KIRREL3: variants seen among roughly 807,000 people sequenced by gnomAD.
KIRREL3 encodes the protein kin of IRRE-like protein 3.
Under a neutral mutation model 89.7 loss-of-function variants are expected in KIRREL3, and 36 were observed. That is an observed-to-expected ratio of 0.40 (90% CI 0.31 to 0.53). The LOEUF (loss-of-function observed/expected upper bound fraction) is 0.53. KIRREL3 is among the 20% of genes least tolerant of loss of function. KIRREL3 has a pLI of 0.49. For synonymous variants in KIRREL3, 445 were observed against 441.4 expected, an observed-to-expected ratio of 1.01 and a Z score of -0.10; for missense variants, 864 against 1,056.6, an observed-to-expected ratio of 0.82 and a Z score of 2.53.
At position 126,954,381 on chromosome 11, in the gene KIRREL3, G is replaced by T. The variant is rs1425947576; in HGVS notation, c.55+46074C>A. Among the ~76,000 whole-genome samples, 2 of 151,966 alleles carry T rather than the reference G, an allele frequency of 1.3e-5. No individual in the cohort carries two copies. The highest frequency in any genetic ancestry group is 2.9e-5 in the Non-Finnish European group (2 of 68,010). On this transcript the variant is annotated intron_variant, in intron 1 of 16. Transcript: ENST00000525144. This position sits in a 1 kb window ranked among gnomAD's most constrained non-coding sequence, Gnocchi z 4.1. The stretch of plus-strand genomic sequence containing the variant: ...ATTGATTATTTATCACTTCAATGAA[G>T]AATTTATTGATTTACTTAATATTCA...
In KIRREL3 at chr11:126,908,521, G is replaced by A. The variant is rs922483212; in HGVS notation, c.55+91934C>T. Among the ~76,000 whole-genome samples, 2 of 152,150 alleles carry A rather than the reference G, an allele frequency of 1.3e-5. No individual in the cohort carries two copies. Among genetic ancestry groups the A allele is most frequent in the East Asian group, 1.9e-4 (1 of 5,198 alleles). ...CACAGGGTTGTTGTAAAGGTTAATT[G>A]TAATTATTATATAAAATACCTAGAA... On this transcript the variant is annotated intron_variant, in intron 1 of 16. Transcript: ENST00000525144. The surrounding 1 kb of genome is among the most constrained non-coding windows in gnomAD (Gnocchi z 4.2).
rs890013327 is a variant in KIRREL3 at position 126,969,063 on chromosome 11, G to C, written c.55+31392C>G. 2.0e-5 allele frequency among the ~76,000 whole-genome samples: 3 copies of C among 152,178 alleles called. No homozygotes were observed. The highest frequency in any genetic ancestry group is 7.2e-5 in the African/African-American group (3 of 41,440). ...ATGTCAGAAGTAACACTTCAGGCGG[G>C]GGCGTCTGAGGTTCGCGTGTGAGGG... On this transcript the variant is annotated intron_variant, in intron 1 of 16. Transcript: ENST00000525144. The surrounding 1 kb of genome is among the most constrained non-coding windows in gnomAD (Gnocchi z 4.9).
chr11:126,533,853 G>T (rs1384154889), intron 2 of KIRREL3, among the ~76,000 whole-genome samples: 1 of 152,120 alleles, frequency 6.6e-6, no homozygotes, highest in Non-Finnish European at 1.5e-5. Flanking sequence ...CTTGACTCCG[G>T]GGCTGGCTCA....
intron 1 of KIRREL3, among the ~76,000 whole-genome samples, chr11:126,732,250 A>C (rs893032467): frequency 1.4e-4 from 21 of 152,376 alleles, no homozygotes; most frequent in African/African-American, 5.0e-4. Flanking sequence ...TATTAACAAT[A>C]CAGTGATTTC....
At chr11:126,581,251 G>A (rs1486513227) in intron 1 of KIRREL3, among the ~76,000 whole-genome samples, 1 of 152,110 alleles carries the variant, frequency 6.6e-6, no homozygotes, top group Non-Finnish European at 1.5e-5. Context: ...TGCCCAGGCT[G>A]GAGTGCAGTG....
At chr11:126,968,358 G>T (rs1421290533) in intron 1 of KIRREL3, among the ~76,000 whole-genome samples, 2 of 152,124 alleles carry the variant, frequency 1.3e-5, no homozygotes, top group Non-Finnish European at 2.9e-5. Flanking sequence ...AGAAAGAAAG[G>T]GGGAAGAAAA....
rs1958633968 is a variant in KIRREL3 at position 126,522,668 on chromosome 11, C to G, written c.284-1204G>C. On this transcript the variant is annotated intron_variant, in intron 3 of 16. Coordinates refer to ENST00000525144, the MANE Select transcript of KIRREL3 (RefSeq NM_032531.4). This position sits in a 1 kb window ranked among gnomAD's most constrained non-coding sequence, Gnocchi z 6.0. ...CCACCTTAGGCAGATCCTCTCTTTC[C>G]TGGGTCTCGGGCCCTACACCTCCCT... Among the ~76,000 whole-genome samples, 1 of 152,254 alleles carries G rather than the reference C, an allele frequency of 6.6e-6. No homozygotes were observed. Among genetic ancestry groups the G allele is most frequent in the Non-Finnish European group, 1.5e-5 (1 of 68,050 alleles).
intron 1 of KIRREL3, among the ~76,000 whole-genome samples, chr11:126,702,502 G>T (rs541254533): frequency 2.6e-5 from 4 of 152,334 alleles, no homozygotes; most frequent in African/African-American, 9.6e-5. Context: ...TCAGGGAGAG[G>T]TGGAGGAGGG....
intron 1 of KIRREL3, among the ~76,000 whole-genome samples, chr11:126,659,492 C>T (rs1008641920): frequency 6.6e-6 from 1 of 152,190 alleles, no homozygotes; most frequent in Non-Finnish European, 1.5e-5. Context: ...GTCCAAGTGT[C>T]TAGTTACTTT....
chr11:126,907,877 C>A (rs1008704861), intron 1 of KIRREL3, among the ~76,000 whole-genome samples: 2 of 152,146 alleles, frequency 1.3e-5, no homozygotes, highest in Admixed American at 6.5e-5. Context: ...TCCTGAGGGT[C>A]TTGGCATCTG....
intron 1 of KIRREL3, chr11:126,936,521 A>T (rs1314582006): frequency 6.6e-6 from 1 of 151,390 alleles, no homozygotes; most frequent in Non-Finnish European, 1.5e-5. Context: ...AATATACAAA[A>T]TGTGGTCTAT....
At chr11:126,790,585 G>A (rs1950607156) in intron 1 of KIRREL3, among the ~76,000 whole-genome samples, 1 of 152,192 alleles carries the variant, frequency 6.6e-6, no homozygotes, top group Middle Eastern at 3.2e-3. Context: ...ACCCAACCAT[G>A]TGATCCATTA....
At chr11:126,749,855 C>T (rs758279146) in intron 1 of KIRREL3, among the ~76,000 whole-genome samples, 1 of 152,264 alleles carries the variant, frequency 6.6e-6, no homozygotes, top group Non-Finnish European at 1.5e-5. Context: ...CTCAAGGCCA[C>T]GGAAGACCCT....
rs1954988523 is a variant in KIRREL3, at chr11:126,427,504, C to T, written c.1806+1675G>A. ...ATGGGAGAATGTGAGATTCAACAGA[C>T]AAAATTAGCAGGCAGAGAGAACAGC... On this transcript the variant is annotated intron_variant, in intron 15 of 16. Coordinates refer to ENST00000525144, the MANE Select transcript of KIRREL3 (RefSeq NM_032531.4). The surrounding 1 kb of genome is among the most constrained non-coding windows in gnomAD (Gnocchi z 5.3). Among the ~76,000 whole-genome samples, 1 of 152,124 alleles carries T rather than the reference C, an allele frequency of 6.6e-6. No individual in the cohort carries two copies. Among genetic ancestry groups the T allele is most frequent in the Admixed American group, 6.5e-5 (1 of 15,272 alleles).
At chr11:126,461,405 C>T (rs1109421) in intron 6 of KIRREL3, among the ~76,000 whole-genome samples, 23,721 of 152,122 alleles carry the variant, frequency 0.16, 2,466 homozygotes, top group East Asian at 0.39. Context: ...CTGTGTGCCC[C>T]GGGACCTCCT....
chr11:126,847,944 T>C (rs2226934), intron 1 of KIRREL3, among the ~76,000 whole-genome samples: 129,162 of 152,216 alleles, frequency 0.85, 55,008 homozygotes, highest in East Asian at 1. Flanking sequence ...TATTTTACCA[T>C]GTCTCTGACT....
rs542010774 is a variant in KIRREL3 at position 126,660,318 on chromosome 11, C to T, written c.56-97406G>A. Among the ~76,000 whole-genome samples, 3 of 152,264 alleles carry T rather than the reference C, an allele frequency of 2.0e-5. No homozygotes were observed. The South Asian group carries it at 6.2e-4, about 32-fold the overall frequency. On this transcript the variant is annotated intron_variant, in intron 1 of 16. Transcript: ENST00000525144. Reference sequence around the variant, plus strand: ...CTTTCACTTCCAAATGATGATACCTCAGAGAATGCAAACTGTAATGCACAT... The same window carrying T: ...CTTTCACTTCCAAATGATGATACCTTAGAGAATGCAAACTGTAATGCACAT...
intron 7 of KIRREL3, among the ~76,000 whole-genome samples, chr11:126,450,436 C>A (rs1956009799): frequency 8.0e-6 from 1 of 124,368 alleles, no homozygotes; most frequent in Non-Finnish European, 1.7e-5. Flanking sequence ...TGTATGTGTC[C>A]ATGTGTATGT....
chr11:126,786,967 G>A (rs1326675661), intron 1 of KIRREL3, among the ~76,000 whole-genome samples: 1 of 152,242 alleles, frequency 6.6e-6, no homozygotes, highest in Non-Finnish European at 1.5e-5. Context: ...GCAAGCAGGG[G>A]TTGGAAGGGA....
Sources: gnomAD v4.1 joint callset for allele counts (sites outside exome capture counted in the v4.1 genomes callset) on GRCh38, gnomAD v4.1.1 for gene constraint, Gnocchi (gnomAD v3.1) non-coding constraint, MANE v1.5 for transcripts, NCBI Gene and HGNC (gene_info 2026-07-23, HGNC 2026-07-21) for gene names.